TNFAIP8L2: variants seen among roughly 807,000 people sequenced by gnomAD.
TNFAIP8L2 encodes the protein tumor necrosis factor alpha-induced protein 8-like protein 2.
In TNFAIP8L2, 2 loss-of-function variants were observed where a neutral mutation model predicts 5.6. The observed-to-expected ratio is 0.36, with a 90% CI of 0.15 to 1.13. The LOEUF (loss-of-function observed/expected upper bound fraction) is 1.13. TNFAIP8L2 is among the 50% of genes most tolerant of loss of function. TNFAIP8L2 has a pLI of 0.40. For synonymous variants in TNFAIP8L2, 91 were observed against 101.1 expected, an observed-to-expected ratio of 0.90 and a Z score of 0.60; for missense variants, 216 against 241.8, an observed-to-expected ratio of 0.89 and a Z score of 0.71.
rs1374692372 is a variant in TNFAIP8L2, at chr1:151,158,777, C to T, written c.80C>T (p.Ala27Val). The change falls in exon 2 of 2, where the codon GCT (alanine) becomes GTT (valine). Residue 27 changes from alanine to valine, a missense_variant. By Grantham distance (64) the Ala-to-Val change is moderately conservative. Coordinates refer to ENST00000368910, the MANE Select transcript of TNFAIP8L2 (RefSeq NM_024575.5). Reference sequence around the variant, plus strand: ...AGTAAGATGGCGGGTCGCTCTGTGGCTCATCTCTTCATAGATGAGACAAGC... The same window carrying T: ...AGTAAGATGGCGGGTCGCTCTGTGGTTCATCTCTTCATAGATGAGACAAGC... ...LLSKMAGRSV[A>V]HLFIDETSSE... 6.2e-7 allele frequency: 1 copy of T among 1,613,970 alleles called. No individual in the cohort carries two copies. Among genetic ancestry groups the T allele is most frequent in the African/African-American group, 1.3e-5 (1 of 74,898 alleles).
At chr1:151,158,272 G>T (rs1683295773) in intron 1 of TNFAIP8L2, among the ~76,000 whole-genome samples, 1 of 149,586 alleles carries the variant, frequency 6.7e-6, no homozygotes, top group Admixed American at 6.7e-5. Flanking sequence ...GCAGTGAACA[G>T]AGATCACACC....
chr1:151,158,546 G>T, intron 1 of TNFAIP8L2, 120 bp from the exon 2 acceptor site: 1 of 746,100 alleles, frequency 1.3e-6, no homozygotes, highest in Non-Finnish European at 2.2e-6. Context: ...AGGACTGAGG[G>T]GCCCCAGGGG....
intron 1 of TNFAIP8L2, among the ~76,000 whole-genome samples, chr1:151,156,963 G>A (rs587599433): frequency 2.0e-4 from 30 of 152,276 alleles, no homozygotes; most frequent in Admixed American, 6.5e-4. Context: ...GGATGTGTGC[G>A]AAATGCAAGG....
rs1360653115 is a variant in TNFAIP8L2, at chr1:151,159,016, G to A, written c.319G>A (p.Val107Ile). The A allele has an allele frequency of 2.5e-6, 4 of 1,614,158 alleles. No homozygotes were observed. The highest frequency in any genetic ancestry group is 3.4e-6 in the Non-Finnish European group (4 of 1,180,060). ...CATGACGGCACTTAGCTTTGGTGAG[G>A]TAGACTTCACCTTCGAGGCTGCTGT... is the stretch of plus-strand genomic sequence containing the variant. ...GAMTALSFGE[V>I]DFTFEAAVLA... Residue 107 changes from valine (V) to isoleucine (I), a missense_variant, in exon 2 of 2, where the codon GTA (valine) becomes ATA (isoleucine). By Grantham distance (29) the Val-to-Ile change is conservative. Transcript: ENST00000368910.
In TNFAIP8L2 at chr1:151,158,090, C is replaced by T. The variant is rs1447874354; in HGVS notation, c.-32-576C>T. The stretch of plus-strand genomic sequence containing the variant: ...CTGTATTCCCGGCACTTTGGGAGGC[C>T]GAGGTGGGCAGATCATGAGGTCAGG... On this transcript the variant is annotated intron_variant, in intron 1 of 1. Transcript: ENST00000368910. Among the ~76,000 whole-genome samples the T allele has an allele frequency of 5.3e-5, 8 of 151,844 alleles. No individual in the cohort carries two copies. In the South Asian group the frequency reaches 8.3e-4, roughly 16 times the overall value.
chr1:151,158,782 C>G lies in TNFAIP8L2; in HGVS notation c.85C>G (p.Leu29Val). ...GATGGCGGGTCGCTCTGTGGCTCAT[C>G]TCTTCATAGATGAGACAAGCAGTGA... ...SKMAGRSVAHLFIDETSSEVL... is the reference protein window; with the variant it reads ...SKMAGRSVAHVFIDETSSEVL... Residue 29 changes from leucine (L) to valine (V), a missense_variant, in exon 2 of 2, where the codon CTC becomes GTC. Transcript: ENST00000368910. 1 of 1,614,060 alleles carries G rather than the reference C, an allele frequency of 6.2e-7. No homozygotes were observed. Among genetic ancestry groups the G allele is most frequent in the Non-Finnish European group, 8.5e-7 (1 of 1,179,996 alleles).
chr1:151,158,532 A>C, intron 1 of TNFAIP8L2, 134 bp from the exon 2 acceptor site: 1 of 639,378 alleles, frequency 1.6e-6, no homozygotes, highest in Non-Finnish European at 2.7e-6. Flanking sequence ...GGAGCAAGGC[A>C]TAGAGGACTG....
chr1:151,159,474 G>C lies in TNFAIP8L2; in HGVS notation c.*222G>C, dbSNP rs2101683969. 1 of 537,566 alleles carries C rather than the reference G, an allele frequency of 1.9e-6. No homozygotes were observed. Among genetic ancestry groups the C allele is most frequent in the East Asian group, 3.2e-5 (1 of 30,888 alleles). 33.3% of individuals were successfully genotyped at this position (537,566 alleles called of 1,614,324 possible). On this transcript the variant is annotated 3_prime_UTR_variant, in exon 2 of 2. Coordinates refer to ENST00000368910, the MANE Select transcript of TNFAIP8L2 (RefSeq NM_024575.5). The stretch of plus-strand genomic sequence containing the variant: ...GGCCTCTCTCCCACTCCAGCCCCAG[G>C]ACAGGAAACAGAACTGCCTGAAAAA...
chr1:151,158,844 C>T lies in TNFAIP8L2; in HGVS notation c.147C>T (p.Tyr49=), dbSNP rs1280131720. The change falls in exon 2 of 2, where the codon TAC becomes TAT. Residue 49 remains tyrosine, a synonymous_variant. Transcript: ENST00000368910. ...LDELYRVSKE[Y]THSRPQAQRV... ...AGCTCTACCGTGTGTCCAAGGAGTA[C>T]ACGCACAGCCGGCCCCAGGCCCAGC... The T allele has an allele frequency of 1.2e-6, 2 of 1,614,154 alleles. No homozygotes were observed. The highest frequency in any genetic ancestry group is 1.7e-6 in the Non-Finnish European group (2 of 1,180,034).
chr1:151,159,347 C>CT lies in TNFAIP8L2; in HGVS notation c.*99dup. On this transcript the variant is annotated 3_prime_UTR_variant, in exon 2 of 2. Coordinates refer to ENST00000368910, the MANE Select transcript of TNFAIP8L2 (RefSeq NM_024575.5). ...TAACCCTGCTCACCTGGCACTAACA[C>CT]TTTTCAATCTTCAGGCTTCATTCCT... 7.9e-7 allele frequency: 1 copy of CT among 1,260,286 alleles called. No individual in the cohort carries two copies. Among genetic ancestry groups the CT allele is most frequent in the Non-Finnish European group, 1.1e-6 (1 of 916,694 alleles). The allele number at this position is 1,260,286 out of a possible 1,614,324, so 78.1% of individuals were successfully genotyped here. A position where few individuals can be genotyped will look rare whatever the true frequency, so the allele number is the denominator to read the frequency against.
At chr1:151,158,577 AGAT>A in intron 1 of TNFAIP8L2, 86 bp from the exon 2 acceptor site, 3 of 1,006,114 alleles carry the variant, frequency 3.0e-6, no homozygotes, top group Non-Finnish European at 4.3e-6. Context: ...TGACAAACAA[AGAT>A]GATGATGACA....
In TNFAIP8L2 at chr1:151,158,722, C is replaced by G. The variant is rs1490333431; in HGVS notation, c.25C>G (p.Leu9Val). 1 of 1,608,804 alleles carries G rather than the reference C, an allele frequency of 6.2e-7. No homozygotes were observed. The highest frequency in any genetic ancestry group is 1.7e-5 in the Admixed American group (1 of 59,738). MESFSSKS[L>V]ALQAEKKLLS... is the part of the protein sequence containing the mutation. ...CATGGAGTCCTTCAGCTCAAAGAGC[C>G]TGGCACTGCAAGCAGAGAAGAAGCT... Residue 9 changes from leucine to valine, a missense_variant, in exon 2 of 2, where the codon CTG becomes GTG. By Grantham distance (32) the Leu-to-Val change is conservative (BLOSUM62 1). Transcript: ENST00000368910.
At chr1:151,157,518 C>T (rs1408086127) in intron 1 of TNFAIP8L2, among the ~76,000 whole-genome samples, 4 of 152,200 alleles carry the variant, frequency 2.6e-5, no homozygotes, top group Non-Finnish European at 4.4e-5. Context: ...TAGCAGAAGG[C>T]TCAGACCTTC....
At chr1:151,158,109 G>A (rs1363514128) in intron 1 of TNFAIP8L2, among the ~76,000 whole-genome samples, 1 of 152,140 alleles carries the variant, frequency 6.6e-6, no homozygotes. Context: ...CAGATCATGA[G>A]GTCAGGAGTT....
rs1026715430 is a variant in TNFAIP8L2 at position 151,159,241 on chromosome 1, G to C, written c.544G>C (p.Gly182Arg). Reference sequence around the variant, plus strand: ...CGGACTCAGGAAGCTGCTAGACGAAGGGAAGCTCTGAGAGCCCTGAGCCTA... The same window carrying C: ...CGGACTCAGGAAGCTGCTAGACGAACGGAAGCTCTGAGAGCCCTGAGCCTA... ...CDGLRKLLDE[G>R]KL Residue 182 changes from glycine to arginine, a missense_variant, in exon 2 of 2, where the codon GGG becomes CGG. By Grantham distance (125) the Gly-to-Arg change is moderately radical. Transcript: ENST00000368910. 7 of 1,611,740 alleles carry C rather than the reference G, an allele frequency of 4.3e-6. No individual in the cohort carries two copies. Among genetic ancestry groups the C allele is most frequent in the Non-Finnish European group, 5.9e-6 (7 of 1,178,190 alleles).
At chr1:151,158,420 A>G (rs1418212847) in intron 1 of TNFAIP8L2, among the ~76,000 whole-genome samples, 2 of 151,774 alleles carry the variant, frequency 1.3e-5, no homozygotes, top group Non-Finnish European at 2.9e-5. Context: ...GTGCTAGGCT[A>G]GCCTCCCGTG....
rs1372656490 is a variant in TNFAIP8L2 at position 151,159,279 on chromosome 1, T to C, written c.*27T>C. ...AGCCCTGAGCCTAGCACATTCCACC[T>C]TGACAAAATGGTTGACTGAGAAAAC... On this transcript the variant is annotated 3_prime_UTR_variant, in exon 2 of 2. Transcript: ENST00000368910. 3 of 1,584,248 alleles carry C rather than the reference T, an allele frequency of 1.9e-6. No homozygotes were observed. In the African/African-American group the frequency reaches 4.0e-5, roughly 21 times the overall value.
chr1:151,157,492 G>T (rs1350060234), intron 1 of TNFAIP8L2, among the ~76,000 whole-genome samples: 1 of 152,120 alleles, frequency 6.6e-6, no homozygotes, highest in Non-Finnish European at 1.5e-5. Flanking sequence ...CCACCAAGAG[G>T]GTCCTGAGTT....
At position 151,158,963 on chromosome 1, in the gene TNFAIP8L2, G is replaced by A. The variant is rs935731135; in HGVS notation, c.266G>A (p.Arg89His). 18 of 1,614,150 alleles carry A rather than the reference G, an allele frequency of 1.1e-5. No homozygotes were observed. Among genetic ancestry groups the A allele is most frequent in the Middle Eastern group, 1.6e-4 (1 of 6,084 alleles). Reference sequence around the variant, plus strand: ...CCCAGTGAGCTGGCCCTGGCTACCCGCTTTCGCCAGAAGCTGCGGCAGGGT... The same window carrying A: ...CCCAGTGAGCTGGCCCTGGCTACCCACTTTCGCCAGAAGCTGCGGCAGGGT... ...FGPSELALATRFRQKLRQGAM... is the reference protein window; with the variant it reads ...FGPSELALATHFRQKLRQGAM... Residue 89 changes from arginine (R) to histidine (H), a missense_variant, in exon 2 of 2, where the codon CGC becomes CAC. By Grantham distance (29) the Arg-to-His change is conservative. Transcript: ENST00000368910.
Sources: gnomAD v4.1 joint callset for allele counts (sites outside exome capture counted in the v4.1 genomes callset) on GRCh38, gnomAD v4.1.1 for gene constraint, MANE v1.5 for transcripts, NCBI Gene and HGNC (gene_info 2026-07-23, HGNC 2026-07-21) for gene names.